NTRK2: variants seen among roughly 807,000 people sequenced by gnomAD.
The protein encoded by NTRK2 is neurotrophic receptor tyrosine kinase 2, also known as BDNF/NT-3 growth factors receptor.
NTRK2 carries 13 observed loss-of-function variants against 94.5 expected under a neutral mutation model. That is an observed-to-expected ratio of 0.14 (90% CI 0.09 to 0.22). The LOEUF is 0.22. Ranked by LOEUF, NTRK2 falls within the 10% of genes least tolerant of loss-of-function variation. The pLI is 1.00. For missense variants in NTRK2, 639 were observed against 1,071.2 expected (o/e 0.60, Z 5.63); for synonymous variants, 372 against 407.4 (o/e 0.91, Z 1.05).
At chr9:84,808,177 G>A (rs1179514162) in intron 12 of NTRK2, among the ~76,000 whole-genome samples, 5 of 152,164 alleles carry the variant, frequency 3.3e-5, no homozygotes, top group African/African-American at 9.7e-5. Flanking sequence ...TGAGTGGATG[G>A]CAATGGTCCA....
chr9:85,001,891 G>A (rs1224132011), intron 17 of NTRK2, among the ~76,000 whole-genome samples: 4 of 152,212 alleles, frequency 2.6e-5, no homozygotes, highest in Admixed American at 6.5e-5. Flanking sequence ...TTTCTGAATA[G>A]GGCAGGGAGG....
At chr9:85,017,106 T>C (rs1211247320) in intron 17 of NTRK2, among the ~76,000 whole-genome samples, 1 of 152,184 alleles carries the variant, frequency 6.6e-6, no homozygotes, top group Admixed American at 6.5e-5. Context: ...AGGAGCCACT[T>C]GGTTAAGGCC....
intron 6 of NTRK2, among the ~76,000 whole-genome samples, chr9:84,712,196 C>T (rs943471701): frequency 2.6e-5 from 4 of 152,104 alleles, no homozygotes; most frequent in Non-Finnish European, 4.4e-5. Context: ...TCTTAACAGA[C>T]GTCTGCTTTG....
At chr9:84,945,049 G>A (rs2078550595) in intron 15 of NTRK2, among the ~76,000 whole-genome samples, 1 of 152,198 alleles carries the variant, frequency 6.6e-6, no homozygotes, top group Non-Finnish European at 1.5e-5. Flanking sequence ...CCACCATTGT[G>A]AGGATTTGTC....
rs115359835 is a variant in NTRK2 at position 84,985,437 on chromosome 9, T to C, written c.2172+29920T>C. ...AAGCTCTGTTTATACTTTCACACCA[T>C]CAATACATGCTGAAAGCCAGGATTT... On this transcript the variant is annotated intron_variant, in intron 17 of 18. Coordinates refer to ENST00000277120, the MANE Select transcript of NTRK2 (RefSeq NM_006180.6). Among the ~76,000 whole-genome samples, 197 of 152,318 alleles carry C rather than the reference T, an allele frequency of 1.3e-3. 1 individual carries two copies. The highest frequency in any genetic ancestry group is 4.2e-3 in the African/African-American group (175 of 41,574).
intron 11 of NTRK2, among the ~76,000 whole-genome samples, chr9:84,748,796 TG>T (rs2064322602): frequency 6.6e-6 from 1 of 152,236 alleles, no homozygotes; most frequent in Non-Finnish European, 1.5e-5. Flanking sequence ...CTCTTTCCCA[TG>T]AAAACATTAG....
chr9:84,838,489 T>G (rs1239778445), intron 12 of NTRK2, among the ~76,000 whole-genome samples: 1 of 152,194 alleles, frequency 6.6e-6, no homozygotes, highest in East Asian at 1.9e-4. Context: ...ATCCCAAACT[T>G]ATTTTTTATG....
chr9:84,800,848 T>C (rs1193806892), intron 12 of NTRK2, among the ~76,000 whole-genome samples: 1 of 152,140 alleles, frequency 6.6e-6, no homozygotes, highest in Admixed American at 6.6e-5. Context: ...AAGACTTCTT[T>C]CAGTTTGGGC....
At chr9:85,010,110 T>C (rs903486428) in intron 17 of NTRK2, among the ~76,000 whole-genome samples, 1 of 152,190 alleles carries the variant, frequency 6.6e-6, no homozygotes, top group African/African-American at 2.4e-5. Flanking sequence ...ACAGATGATA[T>C]GGAGAGTACT....
In NTRK2 at chr9:85,024,470, T is replaced by G. The variant is rs1349166921; in HGVS notation, c.*3033T>G. 1.3e-5 allele frequency: 3 copies of G among 232,910 alleles called. No individual in the cohort carries two copies. Among genetic ancestry groups the G allele is most frequent in the Non-Finnish European group, 2.5e-5 (3 of 117,910 alleles). 14.4% of individuals were successfully genotyped at this position (232,910 alleles called of 1,614,324 possible). On this transcript the variant is annotated 3_prime_UTR_variant, in exon 19 of 19. Transcript: ENST00000277120. ...AACACTTTCCATGTGTGTTAGCAAATTATTCCTATTTTGTGTAGATGAGGA... is the reference window on the plus strand; with the variant it reads ...AACACTTTCCATGTGTGTTAGCAAAGTATTCCTATTTTGTGTAGATGAGGA...
At chr9:84,832,035 C>T (rs1007263331) in intron 12 of NTRK2, among the ~76,000 whole-genome samples, 2 of 152,172 alleles carry the variant, frequency 1.3e-5, no homozygotes, top group African/African-American at 4.8e-5. Flanking sequence ...GCCTAAAAAA[C>T]ATAGTTGTTT....
At chr9:84,868,922 T>G (rs1336430171) in intron 14 of NTRK2, among the ~76,000 whole-genome samples, 1 of 152,198 alleles carries the variant, frequency 6.6e-6, no homozygotes, top group Non-Finnish European at 1.5e-5. Flanking sequence ...GGCTGTAGTA[T>G]AATTGAGGCT....
chr9:84,758,107 TATAG>T (rs1427067557), intron 12 of NTRK2, among the ~76,000 whole-genome samples: 2 of 151,932 alleles, frequency 1.3e-5, no homozygotes, highest in African/African-American at 2.4e-5. Context: ...ATTGTTGAGT[TATAG>T]ATATACTTTG....
chr9:84,958,431 G>A (rs28435670), intron 17 of NTRK2, among the ~76,000 whole-genome samples: 11,950 of 152,234 alleles, frequency 0.078, 581 homozygotes, highest in African/African-American at 0.13. Context: ...CACTTAGGTG[G>A]CAATATTCTG....
intron 14 of NTRK2, among the ~76,000 whole-genome samples, chr9:84,887,246 T>C (rs1446822080): frequency 3.3e-5 from 5 of 152,366 alleles, no homozygotes; most frequent in African/African-American, 1.2e-4. Context: ...ACTGGTGTTT[T>C]ATAACCAAGT....
chr9:84,749,140 A>G (rs1438856031), intron 11 of NTRK2, among the ~76,000 whole-genome samples: 4 of 152,196 alleles, frequency 2.6e-5, no homozygotes, highest in Admixed American at 6.5e-5. Flanking sequence ...AGGCAGGAGA[A>G]TCACTTGAAC....
chr9:84,909,802 A>G (rs2132476509), intron 14 of NTRK2, among the ~76,000 whole-genome samples: 1 of 152,122 alleles, frequency 6.6e-6, no homozygotes, highest in South Asian at 2.1e-4. Context: ...TTCAGTTTTG[A>G]GAGTTCTTTA....
chr9:85,007,425 G>A (rs546676875), intron 17 of NTRK2, among the ~76,000 whole-genome samples: 1 of 152,284 alleles, frequency 6.6e-6, no homozygotes, highest in South Asian at 2.1e-4. Flanking sequence ...CCATTCTGAT[G>A]ACTTTTAATT....
chr9:85,009,751 G>A (rs1245914106), intron 17 of NTRK2, among the ~76,000 whole-genome samples: 1 of 152,100 alleles, frequency 6.6e-6, no homozygotes, highest in African/African-American at 2.4e-5. Context: ...ACATATATCA[G>A]AGATAGCAGA....
Sources: gnomAD v4.1 joint callset for allele counts (sites outside exome capture counted in the v4.1 genomes callset) on GRCh38, gnomAD v4.1.1 for gene constraint, MANE v1.5 for transcripts, NCBI Gene and HGNC (gene_info 2026-07-23, HGNC 2026-07-21) for gene names.